Variants in SLC41A2 observed in about 807,000 individuals in gnomAD.
The protein encoded by SLC41A2 is solute carrier family 41 member 2.
In SLC41A2, 32 loss-of-function variants were observed where a neutral mutation model predicts 58.3. That is an observed-to-expected ratio of 0.55 (90% CI 0.41 to 0.74). The LOEUF (loss-of-function observed/expected upper bound fraction) is 0.74. SLC41A2 is among the 30% of genes least tolerant of loss of function. The probability of loss-of-function intolerance (pLI) is 0.00; values close to 1 mark genes in which losing one functional copy is unlikely to be tolerated. For synonymous variants in SLC41A2, 190 were observed against 235.0 expected (o/e 0.81, Z 1.75); for missense variants, 514 against 680.6 (o/e 0.76, Z 2.72).
chr12:104,820,925 A>G (rs1012428385), intron 10 of SLC41A2, among the ~76,000 whole-genome samples: 1 of 152,170 alleles, frequency 6.6e-6, no homozygotes, highest in African/African-American at 2.4e-5. Flanking sequence ...GATTACAGGC[A>G]TGAGCCACTG....
At chr12:104,885,003 A>T (rs1259544041) in intron 6 of SLC41A2, among the ~76,000 whole-genome samples, 3 of 152,114 alleles carry the variant, frequency 2.0e-5, no homozygotes, top group African/African-American at 7.2e-5. Context: ...CAAATTTAAG[A>T]TTATCCCTTT....
At position 104,816,859 on chromosome 12, in the gene SLC41A2, C is replaced by T. The variant is rs75697481; in HGVS notation, c.1537-11522G>A. On this transcript the variant is annotated intron_variant, in intron 10 of 10. Transcript: ENST00000258538. ...GGAGGATTGGTTGCAGGACCCCCCT[C>T]CCGCAAGGATACCAAAATCCAAGGA... Among the ~76,000 whole-genome samples, 1,323 of 152,290 alleles carry T rather than the reference C, an allele frequency of 8.7e-3. 36 individuals are homozygous for T. In the East Asian group the frequency reaches 0.12, roughly 14 times the overall value.
rs2040833585 is a variant in SLC41A2, at chr12:104,804,813, C to A, written c.*339G>T. ...CTCTGCTTCTTCTAATCCTGCATTA[C>A]AAATTTAATAATAAAGTACATTTCT... On this transcript the variant is annotated 3_prime_UTR_variant, in exon 11 of 11. Coordinates refer to ENST00000258538, the MANE Select transcript of SLC41A2 (RefSeq NM_001352171.3). The A allele has an allele frequency of 6.1e-6, 1 of 163,770 alleles. No individual in the cohort carries two copies. Among genetic ancestry groups the A allele is most frequent in the African/African-American group, 2.4e-5 (1 of 41,654 alleles). 10.1% of individuals were successfully genotyped at this position (163,770 alleles called of 1,614,324 possible).
At chr12:104,893,778 CACTT>C (rs1237966541) in intron 4 of SLC41A2, among the ~76,000 whole-genome samples, 13 of 152,128 alleles carry the variant, frequency 8.5e-5, no homozygotes, top group East Asian at 5.8e-4. Flanking sequence ...TGGATGTTCT[CACTT>C]ATTTATGGGA....
At chr12:104,883,161 C>T (rs920781070) in intron 6 of SLC41A2, among the ~76,000 whole-genome samples, 12 of 152,256 alleles carry the variant, frequency 7.9e-5, no homozygotes, top group Middle Eastern at 3.4e-3. Flanking sequence ...CCATGGTTTT[C>T]GGCTCCATTG....
intron 7 of SLC41A2, among the ~76,000 whole-genome samples, chr12:104,864,252 A>G (rs2043329716): frequency 6.6e-6 from 1 of 152,096 alleles, no homozygotes; most frequent in Non-Finnish European, 1.5e-5. Flanking sequence ...ATTTTGATAG[A>G]CCACACCTCC....
chr12:104,876,198 T>C (rs569314205), intron 6 of SLC41A2, among the ~76,000 whole-genome samples: 5 of 152,272 alleles, frequency 3.3e-5, no homozygotes, highest in Non-Finnish European at 7.4e-5. Context: ...GTCACTCTTA[T>C]ATGTTAGAAG....
At chr12:104,808,774 C>A (rs1353507620) in intron 10 of SLC41A2, among the ~76,000 whole-genome samples, 1 of 152,206 alleles carries the variant, frequency 6.6e-6, no homozygotes, top group Non-Finnish European at 1.5e-5. Context: ...AGAGATTCAA[C>A]TTCTTCCTGG....
At chr12:104,948,218 C>T (rs975160503) in intron 1 of SLC41A2, among the ~76,000 whole-genome samples, 8 of 152,104 alleles carry the variant, frequency 5.3e-5, no homozygotes, top group Admixed American at 2.6e-4. Context: ...GTAGAATACA[C>T]TGGATAATGA....
At chr12:104,955,934 C>T (rs2048151499) in intron 1 of SLC41A2, among the ~76,000 whole-genome samples, 1 of 152,162 alleles carries the variant, frequency 6.6e-6, no homozygotes, top group Admixed American at 6.5e-5. Flanking sequence ...CTACACTGCA[C>T]AAACTTAAGA....
intron 2 of SLC41A2, among the ~76,000 whole-genome samples, chr12:104,911,990 C>T (rs2046108504): frequency 6.6e-6 from 1 of 152,134 alleles, no homozygotes; most frequent in African/African-American, 2.4e-5. Context: ...ATAATAATAA[C>T]AAATATTAAT....
At chr12:104,876,841 C>T (rs914648023) in intron 6 of SLC41A2, among the ~76,000 whole-genome samples, 10 of 152,180 alleles carry the variant, frequency 6.6e-5, no homozygotes, top group African/African-American at 2.4e-4. Flanking sequence ...AATTGATTTT[C>T]TGTCTGGATG....
At position 104,833,958 on chromosome 12, in the gene SLC41A2, C is replaced by T. The variant is rs576594392; in HGVS notation, c.1536+10514G>A. 2.5e-5 allele frequency: 23 copies of T among 921,338 alleles called. 1 individual carries two copies. The Admixed American group carries it at 4.3e-4, about 17-fold the overall frequency. 57.1% of individuals were successfully genotyped at this position (921,338 alleles called of 1,614,324 possible). A position where few individuals can be genotyped will look rare whatever the true frequency, so the allele number is the denominator to read the frequency against. ...TTCCTCTAAATCATATCTGCAATGT[C>T]AGCAGGATTCAGAGCACAGGAAGCA... is the stretch of plus-strand genomic sequence containing the variant. On this transcript the variant is annotated intron_variant, in intron 10 of 10. Coordinates refer to ENST00000258538, the MANE Select transcript of SLC41A2 (RefSeq NM_001352171.3).
At chr12:104,927,869 A>T in intron 2 of SLC41A2, 104 bp downstream of exon 2, 3 of 1,055,392 alleles carry the variant, frequency 2.8e-6, no homozygotes, top group Non-Finnish European at 3.9e-6. Context: ...GGGATAAATT[A>T]AATCTAAAGT....
intron 10 of SLC41A2, among the ~76,000 whole-genome samples, chr12:104,838,790 C>T (rs1018637523): frequency 1.3e-5 from 2 of 152,112 alleles, no homozygotes; most frequent in Admixed American, 6.5e-5. Context: ...CTGGCTGTTT[C>T]ATGCATTTCA....
At chr12:104,849,458 A>G (rs768850887) in intron 8 of SLC41A2, among the ~76,000 whole-genome samples, 1 of 152,236 alleles carries the variant, frequency 6.6e-6, no homozygotes, top group Non-Finnish European at 1.5e-5. Context: ...ACGTGCAGCA[A>G]TGAGAACTCT....
chr12:104,807,795 G>T (rs1039459756), intron 10 of SLC41A2, among the ~76,000 whole-genome samples: 1 of 152,118 alleles, frequency 6.6e-6, no homozygotes, highest in African/African-American at 2.4e-5. Context: ...CTTATAAGTT[G>T]GATTCCTAGG....
chr12:104,941,029 C>A (rs1019547142), intron 1 of SLC41A2, among the ~76,000 whole-genome samples: 1 of 151,632 alleles, frequency 6.6e-6, no homozygotes, highest in Non-Finnish European at 1.5e-5. Context: ...TTCAAGAACT[C>A]ACATAGGTTT....
At chr12:104,881,100 C>T (rs1282885902) in intron 6 of SLC41A2, among the ~76,000 whole-genome samples, 3 of 152,106 alleles carry the variant, frequency 2.0e-5, no homozygotes, top group South Asian at 2.1e-4. Flanking sequence ...AGTTTATTTG[C>T]GTAGAGGTGT....
Sources: gnomAD v4.1 joint callset for allele counts (sites outside exome capture counted in the v4.1 genomes callset) on GRCh38, gnomAD v4.1.1 for gene constraint, MANE v1.5 for transcripts, NCBI Gene and HGNC (gene_info 2026-07-23, HGNC 2026-07-21) for gene names.